The following MSN variants were observed in gnomAD, a reference collection of about 807,000 sequenced individuals.
The protein encoded by MSN is epididymis luminal protein 70.
Under a neutral mutation model 48.0 loss-of-function variants are expected in MSN, and 2 were observed. The observed-to-expected ratio is 0.04, with a 90% CI of 0.02 to 0.13. The LOEUF (loss-of-function observed/expected upper bound fraction) is 0.13. Ranked by LOEUF, MSN falls within the 10% of genes least tolerant of loss-of-function variation. MSN has a pLI of 1.00. For missense variants in MSN, 267 were observed against 470.1 expected (o/e 0.57, Z 3.99); for synonymous variants, 146 against 166.9 (o/e 0.87, Z 0.97).
chrX:65,702,215 G>A (rs1164343797), intron 1 of MSN, among the ~76,000 whole-genome samples: 2 of 105,871 alleles, frequency 1.9e-5, no homozygotes, highest in African/African-American at 3.4e-5. Flanking sequence ...GTTTCACCAT[G>A]TTGGCCAGGC....
intron 3 of MSN, among the ~76,000 whole-genome samples, chrX:65,728,970 A>T (rs1233387031): frequency 8.9e-6 from 1 of 111,892 alleles, no homozygotes; most frequent in African/African-American, 3.3e-5. Context: ...CTTTTGCTGG[A>T]CAAGTGTGGA....
At chrX:65,684,880 A>G (rs1379886108) in intron 1 of MSN, among the ~76,000 whole-genome samples, 2 of 112,314 alleles carry the variant, frequency 1.8e-5, no homozygotes, top group Non-Finnish European at 3.8e-5. Context: ...CTAAGACTAC[A>G]GGTGCATTCT....
intron 1 of MSN, among the ~76,000 whole-genome samples, chrX:65,614,506 C>A (rs1348302888): frequency 4.0e-4 from 43 of 108,567 alleles, no homozygotes; most frequent in Non-Finnish European, 7.7e-5. Flanking sequence ...TATCCATGAG[C>A]ATGGAATGTT....
Position 65,687,936 on chromosome X carries a change from C to T in MSN, c.12+20083C>T, listed in dbSNP as rs183431682. Among the ~76,000 whole-genome samples the T allele has an allele frequency of 4.5e-3, 509 of 112,033 alleles. 4 individuals are homozygous for T. Among genetic ancestry groups the T allele is most frequent in the African/African-American group, 0.016 (487 of 30,862 alleles). On this transcript the variant is annotated intron_variant, in intron 1 of 12. Coordinates refer to ENST00000360270, the MANE Select transcript of MSN (RefSeq NM_002444.3). ...CAAGTTCTTCTGGAACCTCTAGCTG[C>T]TTAACATCCCAGAAAAAGAAATTCT...
At chrX:65,726,628 T>C (rs2071570503) in intron 2 of MSN, among the ~76,000 whole-genome samples, 1 of 110,375 alleles carries the variant, frequency 9.1e-6, no homozygotes, top group African/African-American at 3.3e-5. Context: ...TGTGTGTGCA[T>C]GTGTGTGTGT....
intron 1 of MSN, among the ~76,000 whole-genome samples, chrX:65,631,157 G>A (rs775068127): frequency 7.9e-4 from 85 of 107,426 alleles, no homozygotes; most frequent in African/African-American, 2.5e-3. Context: ...ATGCAATGGC[G>A]CCATGTCTGC....
intron 10 of MSN, 103 bp from the exon 11 acceptor site, chrX:65,738,422 A>G: frequency 3.3e-6 from 2 of 603,387 alleles, no homozygotes; most frequent in Non-Finnish European, 5.2e-6. Flanking sequence ...AAGCAAGTGG[A>G]GCAGTAGGTC....
chrX:65,652,420 C>T (rs895985252), intron 1 of MSN, among the ~76,000 whole-genome samples: 4 of 111,509 alleles, frequency 3.6e-5, no homozygotes, highest in Non-Finnish European at 7.5e-5. Context: ...AGATCCAGAA[C>T]CCATGTCACA....
chrX:65,691,958 T>TTAGTGTAG (rs1355202073), intron 1 of MSN, among the ~76,000 whole-genome samples: 1 of 111,958 alleles, frequency 8.9e-6, no homozygotes, highest in Non-Finnish European at 1.9e-5. Context: ...GAGAAAGGCC[T>TTAGTGTAG]TAGTGTAGTG....
chrX:65,694,432 C>T (rs1016537697), intron 1 of MSN, among the ~76,000 whole-genome samples: 1 of 109,714 alleles, frequency 9.1e-6, no homozygotes, highest in African/African-American at 3.3e-5. Flanking sequence ...CAGGTTCCAG[C>T]GATTCCCTGT....
Position 65,667,684 on chromosome X carries a change from G to C in MSN, c.-158G>C. The C allele has an allele frequency of 9.1e-7, 1 of 1,096,944 alleles. No individual in the cohort carries two copies. Among genetic ancestry groups the C allele is most frequent in the Middle Eastern group, 3.7e-4 (1 of 2,722 alleles). 90.4% of individuals were successfully genotyped at this position (1,096,944 alleles called of 1,213,427 possible). ...TTTCCTGGGTGGGGTTTGTGAAGTCGTGGCCCGTTAGCAGGAAGCCTAACA... is the reference window on the plus strand; with the variant it reads ...TTTCCTGGGTGGGGTTTGTGAAGTCCTGGCCCGTTAGCAGGAAGCCTAACA... On this transcript the variant is annotated 5_prime_UTR_variant, in exon 1 of 13. Coordinates refer to ENST00000360270, the MANE Select transcript of MSN (RefSeq NM_002444.3).
chrX:65,642,929 A>C (rs1174871295), intron 1 of MSN, among the ~76,000 whole-genome samples: 1 of 110,839 alleles, frequency 9.0e-6, no homozygotes, highest in East Asian at 2.8e-4. Flanking sequence ...CAGTCAGCTT[A>C]GCTTCCCACC....
At chrX:65,739,346 G>A (rs190729008) in intron 12 of MSN, 152 bp downstream of exon 12, 15 of 543,335 alleles carry the variant, frequency 2.8e-5, no homozygotes, top group East Asian at 3.7e-5. Flanking sequence ...TTTAAGGATA[G>A]GCACCTCTCA....
chrX:65,613,767 A>G (rs912421242), intron 1 of MSN, among the ~76,000 whole-genome samples: 10 of 112,093 alleles, frequency 8.9e-5, no homozygotes, highest in Non-Finnish European at 1.9e-4. Flanking sequence ...TAGTCTGGAT[A>G]TTAGCCCTTT....
Position 65,740,659 on chromosome X carries a change from G to T in MSN, c.*766G>T. ...ACCCCAATTCCTTGTAGGAGTATAG[G>T]CCGGTCTAAAGTGAGCTCTATGGGC... is the stretch of plus-strand genomic sequence containing the variant. On this transcript the variant is annotated 3_prime_UTR_variant, in exon 13 of 13. Transcript: ENST00000360270. 1 of 173,468 alleles carries T rather than the reference G, an allele frequency of 5.8e-6. No homozygotes were observed. The highest frequency in any genetic ancestry group is 8.2e-5 in the East Asian group (1 of 12,251). 14.3% of individuals were successfully genotyped at this position (173,468 alleles called of 1,213,427 possible).
At chrX:65,675,777 A>G (rs2070992221) in intron 1 of MSN, among the ~76,000 whole-genome samples, 1 of 111,128 alleles carries the variant, frequency 9.0e-6, no homozygotes. Flanking sequence ...AGCTGGGATT[A>G]CAGGCATGCG....
intron 1 of MSN, among the ~76,000 whole-genome samples, chrX:65,618,677 T>C (rs1390434399): frequency 6.3e-5 from 7 of 111,043 alleles, no homozygotes; most frequent in Non-Finnish European, 1.3e-4. Context: ...CCAGTCTGTG[T>C]CTTTTAATTG....
intron 1 of MSN, among the ~76,000 whole-genome samples, chrX:65,626,276 C>T (rs2070505492): frequency 8.9e-6 from 1 of 112,132 alleles, no homozygotes; most frequent in South Asian, 3.6e-4. Flanking sequence ...TGTCTCAAGT[C>T]CATTGTCTGG....
intron 2 of MSN, among the ~76,000 whole-genome samples, chrX:65,724,417 T>C (rs1373773421): frequency 1.8e-5 from 2 of 111,220 alleles, no homozygotes; most frequent in African/African-American, 3.3e-5. Context: ...GTGCTGGCAT[T>C]ATAGGCATGA....
Sources: gnomAD v4.1 joint callset for allele counts (sites outside exome capture counted in the v4.1 genomes callset) on GRCh38, gnomAD v4.1.1 for gene constraint, MANE v1.5 for transcripts, NCBI Gene and HGNC (gene_info 2026-07-23, HGNC 2026-07-21) for gene names.